Variants in DCDC1 observed in about 807,000 individuals in gnomAD.
DCDC1 encodes doublecortin domain-containing protein 1.
Under a neutral mutation model 178.3 loss-of-function variants are expected in DCDC1, and 200 were observed. The observed-to-expected ratio is 1.12, with a 90% CI of 1.00 to 1.26. DCDC1 has a LOEUF of 1.26. Among genes scored for constraint, DCDC1 ranks in the 50% most tolerant of loss-of-function variants. The pLI is 0.00. For synonymous variants in DCDC1, 690 were observed against 604.8 expected (o/e 1.14, Z -2.07); for missense variants, 1,983 against 1,749.2 (o/e 1.13, Z -2.38).
intron 1 of DCDC1, among the ~76,000 whole-genome samples, chr11:31,363,828 GT>G: frequency 6.6e-6 from 1 of 152,254 alleles, no homozygotes; most frequent in Non-Finnish European, 1.5e-5. Context: ...AATAGAGAAA[GT>G]AGCATGCTTT....
chr11:31,023,257 G>A (rs545446406), intron 20 of DCDC1, among the ~76,000 whole-genome samples: 1 of 152,176 alleles, frequency 6.6e-6, no homozygotes, highest in Admixed American at 6.6e-5. Context: ...AAAAATACAT[G>A]CATATATCCA....
chr11:31,013,165 T>C (rs192037275), intron 20 of DCDC1, among the ~76,000 whole-genome samples: 63 of 152,300 alleles, frequency 4.1e-4, no homozygotes, highest in African/African-American at 1.4e-3. Context: ...TGCTGTTTAA[T>C]TCACTGTTTG....
At chr11:31,020,185 T>C (rs1952774469) in intron 20 of DCDC1, among the ~76,000 whole-genome samples, 1 of 152,100 alleles carries the variant, frequency 6.6e-6, no homozygotes, top group African/African-American at 2.4e-5. Flanking sequence ...AAATAAAAGA[T>C]CAAAATATGA....
chr11:30,867,495 T>C (rs773171060), intron 38 of DCDC1, among the ~76,000 whole-genome samples: 10 of 152,194 alleles, frequency 6.6e-5, no homozygotes, highest in Non-Finnish European at 1.0e-4. Context: ...ACTCTAAAAA[T>C]GTTAGTGCCC....
At chr11:31,140,880 C>T (rs1963741253) in intron 9 of DCDC1, among the ~76,000 whole-genome samples, 1 of 152,158 alleles carries the variant, frequency 6.6e-6, no homozygotes, top group African/African-American at 2.4e-5. Context: ...AGGTGTCAGG[C>T]ACTGTGCCCT....
intron 9 of DCDC1, among the ~76,000 whole-genome samples, chr11:31,225,591 C>T (rs1399392892): frequency 6.7e-6 from 1 of 149,686 alleles, no homozygotes; most frequent in Non-Finnish European, 1.5e-5. Flanking sequence ...TGCATACATG[C>T]TAATATGTAC....
intron 1 of DCDC1, among the ~76,000 whole-genome samples, chr11:31,347,746 GT>G (rs1363558470): frequency 6.6e-6 from 1 of 152,126 alleles, no homozygotes; most frequent in Non-Finnish European, 1.5e-5. Context: ...AAGATAGAAG[GT>G]GCCAGGGGTC....
intron 3 of DCDC1, among the ~76,000 whole-genome samples, chr11:31,312,511 C>A (rs890092717): frequency 6.6e-6 from 1 of 152,174 alleles, no homozygotes; most frequent in South Asian, 2.1e-4. Flanking sequence ...AGCATTTGAA[C>A]TGGTGGACCA....
rs1358961226 is a variant in DCDC1, at chr11:31,110,250, G to A, written c.1587+10C>T. The A allele has an allele frequency of 1.4e-6, 1 of 704,966 alleles. No individual in the cohort carries two copies. Among genetic ancestry groups the A allele is most frequent in the Non-Finnish European group, 2.6e-6 (1 of 384,406 alleles). The allele number at this position is 704,966 out of a possible 1,614,324, so 43.7% of individuals were successfully genotyped here. ...ACTTAAAGTCATAAGTAAACTGTCA[G>A]TAAACTCACTCTTTCCATCATATGG... is the stretch of plus-strand genomic sequence containing the variant. On this transcript the variant is annotated intron_variant, in intron 12 of 38. Transcript: ENST00000684477.
chr11:31,191,538 G>A (rs1163047120), intron 9 of DCDC1, among the ~76,000 whole-genome samples: 2 of 151,974 alleles, frequency 1.3e-5, no homozygotes, highest in South Asian at 2.1e-4. Context: ...ACTCTAAAAG[G>A]GAAATTTTGT....
At chr11:31,143,082 AT>A (rs1964031486) in intron 9 of DCDC1, among the ~76,000 whole-genome samples, 1 of 152,214 alleles carries the variant, frequency 6.6e-6, no homozygotes, top group South Asian at 2.1e-4. Context: ...TAAGGAGACA[AT>A]TAAAAAACAA....
intron 9 of DCDC1, among the ~76,000 whole-genome samples, chr11:31,221,358 C>A (rs1326629729): frequency 6.6e-6 from 1 of 152,162 alleles, no homozygotes; most frequent in Admixed American, 6.5e-5. Context: ...ATAAAGTTTC[C>A]ATTCCAAAGG....
At chr11:31,133,076 T>A (rs1962652419) in intron 10 of DCDC1, among the ~76,000 whole-genome samples, 1 of 152,220 alleles carries the variant, frequency 6.6e-6, no homozygotes, top group Non-Finnish European at 1.5e-5. Flanking sequence ...TTATTCTGTT[T>A]ATAATCAGTC....
intron 20 of DCDC1, 71 bp downstream of exon 20, chr11:31,064,398 A>G (rs1373239440): frequency 3.0e-6 from 2 of 665,998 alleles, no homozygotes; most frequent in South Asian, 1.8e-5. Flanking sequence ...CAAGAAATCA[A>G]TCTTACATGA....
intron 24 of DCDC1, 31 bp from the exon 25 acceptor site, chr11:30,920,966 T>C (rs1457812507): frequency 1.3e-6 from 2 of 1,584,556 alleles, no homozygotes; most frequent in Admixed American, 1.8e-5. Context: ...TGCAAAGACA[T>C]ATTACTTACA....
In DCDC1 at chr11:30,911,396, AG is replaced by A. The variant is rs1215301664; in HGVS notation, c.3677del (p.Pro1226LeufsTer9). The part of the protein sequence containing the change: ...DSRTFHLVSN[P>X]DLVLAVSMTK... Reference sequence around the variant, plus strand: ...TCATAGACACTGCCAGCACAAGGTCAGGGTTACTCACAAGGTGAAAGGTCCT... The same window carrying A: ...TCATAGACACTGCCAGCACAAGGTCAGGTTACTCACAAGGTGAAAGGTCCT... On this transcript the variant is annotated frameshift_variant, in exon 28 of 39. Coordinates refer to ENST00000684477, the MANE Select transcript of DCDC1 (RefSeq NM_001387274.1). LOFTEE classifies it high-confidence loss of function. 3.1e-6 allele frequency: 5 copies of A among 1,602,478 alleles called. No homozygotes were observed. The East Asian group carries it at 1.1e-4, about 36-fold the overall frequency.
intron 9 of DCDC1, among the ~76,000 whole-genome samples, chr11:31,155,002 T>A (rs946786858): frequency 3.3e-5 from 5 of 152,240 alleles, no homozygotes; most frequent in Admixed American, 3.3e-4. Context: ...TATAAACTTG[T>A]AACTAATATA....
At chr11:30,926,152 C>T (rs1308111516) in intron 22 of DCDC1, among the ~76,000 whole-genome samples, 2 of 152,114 alleles carry the variant, frequency 1.3e-5, no homozygotes, top group African/African-American at 2.4e-5. Flanking sequence ...GCTGTGAGAA[C>T]AGAGGGGAAA....
At chr11:31,077,038 G>A (rs1590962530) in intron 18 of DCDC1, among the ~76,000 whole-genome samples, 1 of 152,116 alleles carries the variant, frequency 6.6e-6, no homozygotes, top group African/African-American at 2.4e-5. Flanking sequence ...ACTTCACAGT[G>A]TGAATCTCTA....
Sources: gnomAD v4.1 joint callset for allele counts (sites outside exome capture counted in the v4.1 genomes callset) on GRCh38, gnomAD v4.1.1 for gene constraint, MANE v1.5 for transcripts, NCBI Gene and HGNC (gene_info 2026-07-23, HGNC 2026-07-21) for gene names.